The following MCTP1 variants were observed in gnomAD, a reference collection of about 807,000 sequenced individuals.
The protein encoded by MCTP1 is multiple C2 and transmembrane domain containing 1.
MCTP1 carries 69 observed loss-of-function variants against 120.6 expected under a neutral mutation model. That is an observed-to-expected ratio of 0.57 (90% confidence interval 0.47 to 0.70). The LOEUF (loss-of-function observed/expected upper bound fraction) is 0.70, where lower values mean the gene tolerates loss of function less well. MCTP1 is among the 30% of genes least tolerant of loss of function. The probability of loss-of-function intolerance (pLI) is 0.00; values close to 1 mark genes in which losing one functional copy is unlikely to be tolerated. For missense variants in MCTP1, 1,203 were observed against 1,248.8 expected (o/e 0.96, Z 0.55); for synonymous variants, 529 against 493.1 (o/e 1.07, Z -0.96).
At chr5:94,811,839 T>C (rs1783492385) in intron 17 of MCTP1, among the ~76,000 whole-genome samples, 1 of 152,162 alleles carries the variant, frequency 6.6e-6, no homozygotes, top group Non-Finnish European at 1.5e-5. Flanking sequence ...TGTCTGTAGT[T>C]TAGGATTCCA....
chr5:94,761,952 C>T (rs566094840), intron 19 of MCTP1, among the ~76,000 whole-genome samples: 16 of 152,306 alleles, frequency 1.1e-4, no homozygotes, highest in Admixed American at 9.8e-4. Flanking sequence ...TATGAGAAGC[C>T]AGCAACAACT....
chr5:95,282,997 T>G (rs1760448849), intron 1 of MCTP1, among the ~76,000 whole-genome samples: 1 of 152,258 alleles, frequency 6.6e-6, no homozygotes, highest in Non-Finnish European at 1.5e-5. Context: ...TCTTTAGGTC[T>G]CTGGCAGAGT....
chr5:94,812,583 T>C (rs888815182), intron 17 of MCTP1, among the ~76,000 whole-genome samples: 2 of 151,008 alleles, frequency 1.3e-5, no homozygotes, highest in African/African-American at 4.9e-5. Flanking sequence ...TAACGTAAAA[T>C]GAAACTATCT....
At chr5:94,794,077 T>C (rs1779508814) in intron 18 of MCTP1, among the ~76,000 whole-genome samples, 1 of 152,228 alleles carries the variant, frequency 6.6e-6, no homozygotes, top group African/African-American at 2.4e-5. Context: ...TGTCTCAATT[T>C]GTGTCACAGT....
intron 1 of MCTP1, among the ~76,000 whole-genome samples, chr5:95,024,648 T>TACACACACACACACACACACAC (rs111890273): frequency 3.5e-4 from 51 of 146,362 alleles, no homozygotes; most frequent in African/African-American, 1.2e-3. Flanking sequence ...GGCATTCAAA[T>TACACACACACACACACACACAC]ACACACACAC....
chr5:95,221,141 T>C (rs1423176424), intron 1 of MCTP1, among the ~76,000 whole-genome samples: 1 of 152,242 alleles, frequency 6.6e-6, no homozygotes, highest in African/African-American at 2.4e-5. Context: ...TTTCATTTCT[T>C]TGAAACAAAC....
chr5:94,933,098 T>G (rs914524796), intron 5 of MCTP1, among the ~76,000 whole-genome samples: 2 of 151,974 alleles, frequency 1.3e-5, no homozygotes, highest in Non-Finnish European at 2.9e-5. Flanking sequence ...GATAATTATA[T>G]GTTCCTCCTT....
chr5:94,707,990 ACT>A (rs1755225845), intron 22 of MCTP1, among the ~76,000 whole-genome samples: 1 of 151,338 alleles, frequency 6.6e-6, no homozygotes, highest in African/African-American at 2.4e-5. Context: ...AAAAAAACAA[ACT>A]TCTTTTATTT....
At chr5:94,715,471 T>TA (rs1758854338) in intron 19 of MCTP1, among the ~76,000 whole-genome samples, 1 of 150,418 alleles carries the variant, frequency 6.6e-6, no homozygotes, top group Non-Finnish European at 1.5e-5. Flanking sequence ...TTCTTAAAAA[T>TA]AATAGTCTAG....
chr5:94,721,417 C>T (rs947010461), intron 19 of MCTP1, among the ~76,000 whole-genome samples: 2 of 152,158 alleles, frequency 1.3e-5, no homozygotes, highest in Non-Finnish European at 2.9e-5. Context: ...AATATTCGCT[C>T]ATTCTTCATT....
chr5:95,111,721 C>A (rs985478759), intron 1 of MCTP1, among the ~76,000 whole-genome samples: 1 of 152,098 alleles, frequency 6.6e-6, no homozygotes, highest in Non-Finnish European at 1.5e-5. Flanking sequence ...TTGAACATGA[C>A]AAGTCAGTGA....
chr5:94,810,536 C>G (rs1783192601), intron 17 of MCTP1, among the ~76,000 whole-genome samples: 1 of 152,196 alleles, frequency 6.6e-6, no homozygotes, highest in Non-Finnish European at 1.5e-5. Context: ...ACAAGCCAAA[C>G]ACATGTTAGT....
chr5:94,852,367 C>T (rs753946958), intron 17 of MCTP1, among the ~76,000 whole-genome samples: 1 of 151,836 alleles, frequency 6.6e-6, no homozygotes, highest in South Asian at 2.1e-4. Flanking sequence ...TTTTAAAGAC[C>T]TTATTATTAT....
intron 19 of MCTP1, among the ~76,000 whole-genome samples, chr5:94,741,710 A>G (rs376414733): frequency 2.6e-5 from 4 of 152,252 alleles, no homozygotes; most frequent in Non-Finnish European, 5.9e-5. Context: ...CTCGTCTAGC[A>G]AAAGTCACTA....
intron 19 of MCTP1, among the ~76,000 whole-genome samples, chr5:94,766,464 A>AC (rs36139668): frequency 0.9 from 136,890 of 151,902 alleles, 62,023 homozygotes; most frequent in African/African-American, 0.95. Flanking sequence ...ATAGGTGGGA[A>AC]TGAACAATGA....
chr5:94,757,539 A>T (rs75267536), intron 19 of MCTP1, among the ~76,000 whole-genome samples: 1,660 of 152,326 alleles, frequency 0.011, 17 homozygotes, highest in Non-Finnish European at 0.016. Context: ...AGACAGGTTT[A>T]GAGCGAAATA....
At chr5:95,172,757 T>G (rs1747485037) in intron 1 of MCTP1, among the ~76,000 whole-genome samples, 4 of 152,182 alleles carry the variant, frequency 2.6e-5, no homozygotes, top group Non-Finnish European at 5.9e-5. Context: ...TGGTATCTCT[T>G]GTTCTGTTGT....
chr5:94,814,691 G>T (rs1784140937), intron 17 of MCTP1, among the ~76,000 whole-genome samples: 1 of 151,670 alleles, frequency 6.6e-6, no homozygotes, highest in Non-Finnish European at 1.5e-5. Flanking sequence ...AAATGCCAAG[G>T]AAAACTCAGT....
At chr5:94,768,096 T>C (rs543408342) in intron 19 of MCTP1, among the ~76,000 whole-genome samples, 2 of 152,100 alleles carry the variant, frequency 1.3e-5, no homozygotes, top group South Asian at 2.1e-4. Flanking sequence ...CAGAAGTATA[T>C]CCATATTTTT....
Sources: gnomAD v4.1 joint callset for allele counts (sites outside exome capture counted in the v4.1 genomes callset) on GRCh38, gnomAD v4.1.1 for gene constraint, MANE v1.5 for transcripts, NCBI Gene and HGNC (gene_info 2026-07-23, HGNC 2026-07-21) for gene names.